The following RIMOC1 variants were observed in gnomAD, a reference collection of about 807,000 sequenced individuals.
RIMOC1 encodes the protein RAB7A-interacting MON1-CCZ1 complex subunit 1.
the RIMOC1 span, among the ~76,000 whole-genome samples, chr5:41,906,334 T>C: frequency 6.6e-6 from 1 of 152,204 alleles, no homozygotes; most frequent in African/African-American, 2.4e-5. Flanking sequence ...GACTAAATAG[T>C]TCTAGTCAAA....
chr5:41,913,355 A>G, the RIMOC1 span, among the ~76,000 whole-genome samples: 1 of 152,336 alleles, frequency 6.6e-6, no homozygotes, highest in Admixed American at 6.5e-5. Context: ...GGGAGAATGA[A>G]TACTGGTTGG....
At chr5:41,904,512 A>C in the RIMOC1 span, 24 of 1,569,644 alleles carry the variant, frequency 1.5e-5, no homozygotes, top group Non-Finnish European at 2.1e-5. Flanking sequence ...AGACGGCGCT[A>C]AGGTACTGGC....
At chr5:41,917,142 G>A in the RIMOC1 span, 2 of 1,613,860 alleles carry the variant, frequency 1.2e-6, no homozygotes, top group Non-Finnish European at 1.7e-6. Flanking sequence ...TCTGGAGCGG[G>A]CTGCACTACA....
chr5:41,916,314 G>T, the RIMOC1 span: 5 of 729,804 alleles, frequency 6.9e-6, no homozygotes, highest in South Asian at 1.9e-4. Flanking sequence ...AGGTTTATTT[G>T]TCTTTCTGCC....
At chr5:41,904,357 C>G in the RIMOC1 span, 4 of 1,613,090 alleles carry the variant, frequency 2.5e-6, no homozygotes, top group Non-Finnish European at 3.4e-6. Flanking sequence ...GCGCACCCGC[C>G]GATTGTGGCC....
the RIMOC1 span, among the ~76,000 whole-genome samples, chr5:41,908,611 G>A: frequency 6.6e-6 from 1 of 152,102 alleles, no homozygotes; most frequent in Non-Finnish European, 1.5e-5. Context: ...CCATGGATGA[G>A]TAAGCCTAAC....
At chr5:41,911,182 A>G in the RIMOC1 span, 1 of 1,595,376 alleles carries the variant, frequency 6.3e-7, no homozygotes, top group South Asian at 1.1e-5. Context: ...TTAAAAAGGT[A>G]AGAAGACATT....
the RIMOC1 span, among the ~76,000 whole-genome samples, chr5:41,913,339 G>T: frequency 6.6e-6 from 1 of 152,214 alleles, no homozygotes; most frequent in African/African-American, 2.4e-5. Flanking sequence ...TAAGAAGGGG[G>T]TATTGGGGAG....
At chr5:41,917,739 A>G in the RIMOC1 span, 904 of 936,198 alleles carry the variant, frequency 9.7e-4, 6 homozygotes, top group African/African-American at 0.015. Flanking sequence ...AATACATACT[A>G]TGGATATAAA....
chr5:41,906,770 A>G, the RIMOC1 span, among the ~76,000 whole-genome samples: 1 of 152,200 alleles, frequency 6.6e-6, no homozygotes. Context: ...TTTTGCTCCA[A>G]CAATGAACAC....
the RIMOC1 span, chr5:41,911,289 C>A: frequency 1.0e-6 from 1 of 1,003,086 alleles, no homozygotes; most frequent in Non-Finnish European, 1.4e-6. Flanking sequence ...AGTTTGTATT[C>A]TGTGTCTTTT....
the RIMOC1 span, chr5:41,909,740 T>TA: frequency 1.3e-6 from 2 of 1,522,366 alleles, no homozygotes; most frequent in Non-Finnish European, 1.8e-6. Flanking sequence ...TTTTTTTTTT[T>TA]TTTAGGCTAT....
chr5:41,907,964 C>A, the RIMOC1 span: 2 of 635,366 alleles, frequency 3.1e-6, no homozygotes, highest in Non-Finnish European at 5.3e-6. Flanking sequence ...TAATTTTGTC[C>A]AAAAAACTAT....
chr5:41,921,148 G>A, the RIMOC1 span: 2 of 152,602 alleles, frequency 1.3e-5, no homozygotes, highest in African/African-American at 4.8e-5. Context: ...GTAGAGTGAG[G>A]TGAGGGTCGT....
the RIMOC1 span, chr5:41,916,437 CT>C: frequency 6.2e-6 from 6 of 963,530 alleles, no homozygotes; most frequent in African/African-American, 8.8e-5. Flanking sequence ...AGCATACTCT[CT>C]TTTTTTCTGG....
chr5:41,914,620 A>T, the RIMOC1 span, among the ~76,000 whole-genome samples: 2 of 151,492 alleles, frequency 1.3e-5, no homozygotes, highest in South Asian at 2.1e-4. Flanking sequence ...AAAAAAAAAA[A>T]TTAGCCAGGC....
At chr5:41,914,846 T>C in the RIMOC1 span, among the ~76,000 whole-genome samples, 1 of 152,168 alleles carries the variant, frequency 6.6e-6, no homozygotes, top group Non-Finnish European at 1.5e-5. Flanking sequence ...GGAAACCTAC[T>C]TTTCATAGGC....
At chr5:41,905,123 T>C in the RIMOC1 span, among the ~76,000 whole-genome samples, 1 of 152,252 alleles carries the variant, frequency 6.6e-6, no homozygotes, top group Non-Finnish European at 1.5e-5. Flanking sequence ...GCCTTTAGGT[T>C]CTACATTATT....
chr5:41,921,346 A>G, the RIMOC1 span: 1 of 151,984 alleles, frequency 6.6e-6, no homozygotes, highest in Non-Finnish European at 1.5e-5. Context: ...TCTACCTTAC[A>G]GGGCTCCTTT....
Sources: gnomAD v4.1 joint callset for allele counts (sites outside exome capture counted in the v4.1 genomes callset) on GRCh38, gnomAD v4.1.1 for gene constraint, MANE v1.5 for transcripts, NCBI Gene and HGNC (gene_info 2026-07-23, HGNC 2026-07-21) for gene names.